The following SV2B variants were observed in gnomAD, a reference collection of about 807,000 sequenced individuals.
The protein encoded by SV2B is synaptic vesicle glycoprotein 2B.
A neutral mutation model predicts 73.9 loss-of-function variants in SV2B; 41 were observed. That is an observed-to-expected ratio of 0.56 (90% CI 0.43 to 0.72). SV2B has a LOEUF of 0.72. SV2B is among the 30% of genes least tolerant of loss of function. SV2B has a pLI of 0.00. For synonymous variants in SV2B, 314 were observed against 314.2 expected, an observed-to-expected ratio of 1.00 and a Z score of 0.01; for missense variants, 764 against 857.8, an observed-to-expected ratio of 0.89 and a Z score of 1.37.
chr15:91,163,344 T>C (rs906105252), intron 1 of SV2B, among the ~76,000 whole-genome samples: 35 of 152,208 alleles, frequency 2.3e-4, no homozygotes, highest in Non-Finnish European at 4.4e-4. Flanking sequence ...GCCACACTGA[T>C]TTCCACAATG....
intron 1 of SV2B, among the ~76,000 whole-genome samples, chr15:91,135,059 C>T (rs2042778602): frequency 6.7e-6 from 1 of 149,734 alleles, no homozygotes; most frequent in Non-Finnish European, 1.5e-5. Flanking sequence ...GAGCACAGTA[C>T]TGTGATCATT....
In SV2B at chr15:91,218,255, G is replaced by T. The variant is rs2046100943; in HGVS notation, c.-391-7618G>T. Among the ~76,000 whole-genome samples the T allele has an allele frequency of 2.0e-5, 3 of 152,292 alleles. No individual in the cohort carries two copies. The South Asian group carries it at 6.2e-4, about 32-fold the overall frequency. On this transcript the variant is annotated intron_variant, in intron 1 of 12. Transcript: ENST00000394232. ...GAATGAGCTGGGGGAATTTACCAAG[G>T]CCTGTCTGCTCAGTTTCATCTCTGT...
chr15:91,166,588 A>C (rs897595753), intron 1 of SV2B, among the ~76,000 whole-genome samples: 76 of 152,040 alleles, frequency 5.0e-4, no homozygotes, highest in African/African-American at 1.8e-3. Context: ...GATAGCATGA[A>C]TTTTAGAACT....
At chr15:91,171,345 A>C (rs1567311616) in intron 1 of SV2B, among the ~76,000 whole-genome samples, 1 of 152,246 alleles carries the variant, frequency 6.6e-6, no homozygotes, top group African/African-American at 2.4e-5. Flanking sequence ...TAAAATGTAC[A>C]GTAAGTACTT....
At position 91,284,338 on chromosome 15, in the gene SV2B, A is replaced by G; in HGVS notation, c.1708+117A>G. 8.7e-7 allele frequency: 1 copy of G among 1,151,010 alleles called. No homozygotes were observed. The highest frequency in any genetic ancestry group is 1.2e-6 in the Non-Finnish European group (1 of 814,280). The allele number at this position is 1,151,010 out of a possible 1,614,324, so 71.3% of individuals were successfully genotyped here. On this transcript the variant is annotated intron_variant, in intron 11 of 12. Transcript: ENST00000394232. The surrounding 1 kb of genome is among the most constrained non-coding windows in gnomAD (Gnocchi z 4.5). ...ATAATTCTTGCACAACAAACCCAAC[A>G]AGTAAGATTGCACCCAGGGCTATAG... is the stretch of plus-strand genomic sequence containing the variant.
Position 91,157,820 on chromosome 15 carries a change from C to A in SV2B, c.-392+57457C>A, listed in dbSNP as rs1194429341. Among the ~76,000 whole-genome samples the A allele has an allele frequency of 2.0e-5, 3 of 152,300 alleles. 1 individual carries two copies. The South Asian group carries it at 6.2e-4, about 32-fold the overall frequency. ...GTATTAGTCTGGCATTCAGTGTCTTCCACCACCTGAGCCCTGTCTACTTTG... is the reference window on the plus strand; with the variant it reads ...GTATTAGTCTGGCATTCAGTGTCTTACACCACCTGAGCCCTGTCTACTTTG... On this transcript the variant is annotated intron_variant, in intron 1 of 12. Transcript: ENST00000394232.
rs184509656 is a variant in SV2B, at chr15:91,108,133, G to A, written c.-392+7770G>A. The stretch of plus-strand genomic sequence containing the variant: ...TAAAGGATTACCATACCAGCTGAAG[G>A]ACTTAAAGATTTTATGTGAAGGGAG... On this transcript the variant is annotated intron_variant, in intron 1 of 12. Coordinates refer to ENST00000394232, the MANE Select transcript of SV2B (RefSeq NM_001323032.3). Among the ~76,000 whole-genome samples the A allele has an allele frequency of 1.6e-3, 249 of 152,258 alleles. 1 individual carries two copies. The highest frequency in any genetic ancestry group is 2.4e-3 in the Non-Finnish European group (161 of 68,026).
rs1014354461 is a variant in SV2B at position 91,236,989 on chromosome 15, A to G, written c.451+10275A>G. On this transcript the variant is annotated intron_variant, in intron 2 of 12. Coordinates refer to ENST00000394232, the MANE Select transcript of SV2B (RefSeq NM_001323032.3). The surrounding 1 kb of genome is among the most constrained non-coding windows in gnomAD (Gnocchi z 4.1). ...CTTGGAAAGAGATCTTGAGAGAGAAAGACAAGCAGAAGCCTTTTGTGACTT... is the reference window on the plus strand; with the variant it reads ...CTTGGAAAGAGATCTTGAGAGAGAAGGACAAGCAGAAGCCTTTTGTGACTT... Among the ~76,000 whole-genome samples the G allele has an allele frequency of 6.6e-6, 1 of 151,990 alleles. No individual in the cohort carries two copies. The highest frequency in any genetic ancestry group is 1.5e-5 in the Non-Finnish European group (1 of 68,014).
In SV2B at chr15:91,289,428, G is replaced by T; in HGVS notation, c.1709-93G>T. On this transcript the variant is annotated intron_variant, in intron 11 of 12. Coordinates refer to ENST00000394232, the MANE Select transcript of SV2B (RefSeq NM_001323032.3). This position sits in a 1 kb window ranked among gnomAD's most constrained non-coding sequence, Gnocchi z 4.9. Reference sequence around the variant, plus strand: ...GGCAGCCTTGGCTTCAGGTGTACCAGTGAGGGTGGGAGATGGGGCAAGAAC... The same window carrying T: ...GGCAGCCTTGGCTTCAGGTGTACCATTGAGGGTGGGAGATGGGGCAAGAAC... 6.6e-7 allele frequency: 1 copy of T among 1,524,444 alleles called. No homozygotes were observed. Among genetic ancestry groups the T allele is most frequent in the Non-Finnish European group, 9.1e-7 (1 of 1,101,734 alleles). 94.4% of individuals were successfully genotyped at this position (1,524,444 alleles called of 1,614,324 possible). A position where few individuals can be genotyped will look rare whatever the true frequency, so the allele number is the denominator to read the frequency against.
Position 91,161,857 on chromosome 15 carries a change from C to G in SV2B, c.-392+61494C>G, listed in dbSNP as rs150341916. 6.9e-3 allele frequency among the ~76,000 whole-genome samples: 1,051 copies of G among 152,310 alleles called. 4 individuals carry two copies. Among genetic ancestry groups the G allele is most frequent in the Non-Finnish European group, 0.011 (766 of 68,028 alleles). On this transcript the variant is annotated intron_variant, in intron 1 of 12. Coordinates refer to ENST00000394232, the MANE Select transcript of SV2B (RefSeq NM_001323032.3). ...TCCCCTGTGTATACTTCAAAGTACT[C>G]TGTGTGTCTCTCACAAAAGTATTTG...
chr15:91,158,717 T>TTCCCTTC (rs1567300777), intron 1 of SV2B, among the ~76,000 whole-genome samples: 1 of 85,484 alleles, frequency 1.2e-5, no homozygotes, highest in Admixed American at 1.2e-4. Flanking sequence ...TCCTCTCCTC[T>TTCCCTTC]CCTCTCCTCT....
rs2141766648 is a variant in SV2B, at chr15:91,283,109, G to C, written c.1508-912G>C. On this transcript the variant is annotated intron_variant, in intron 10 of 12. Transcript: ENST00000394232. This position sits in a 1 kb window ranked among gnomAD's most constrained non-coding sequence, Gnocchi z 4.3. ...TAGGTAGAGCCTCAGGGAGGTTAAA[G>C]AGGGTCAGCAGCAGGGCCAGCTCCC... Among the ~76,000 whole-genome samples, 1 of 152,340 alleles carries C rather than the reference G, an allele frequency of 6.6e-6. No homozygotes were observed. The highest frequency in any genetic ancestry group is 1.9e-4 in the East Asian group (1 of 5,188).
chr15:91,256,081 T>A (rs2047677873), intron 4 of SV2B, among the ~76,000 whole-genome samples: 3 of 152,120 alleles, frequency 2.0e-5, no homozygotes. Flanking sequence ...TCCTGTGAAC[T>A]CACGGGTAAA....
chr15:91,194,378 G>C (rs1309050334), intron 1 of SV2B, among the ~76,000 whole-genome samples: 1 of 152,116 alleles, frequency 6.6e-6, no homozygotes, highest in Non-Finnish European at 1.5e-5. Flanking sequence ...TTATGCCTTT[G>C]GGCATAATTG....
At chr15:91,101,166 G>C (rs1248800764) in intron 1 of SV2B, among the ~76,000 whole-genome samples, 1 of 152,158 alleles carries the variant, frequency 6.6e-6, no homozygotes, top group Admixed American at 6.5e-5. Flanking sequence ...GGACGCTGGG[G>C]GAATGCTTGC....
rs2042322622 is a variant in SV2B at position 91,121,119 on chromosome 15, G to C, written c.-392+20756G>C. On this transcript the variant is annotated intron_variant, in intron 1 of 12. Transcript: ENST00000394232. The surrounding 1 kb of genome is among the most constrained non-coding windows in gnomAD (Gnocchi z 4.4). ...CACGCTAATTTTTGGTCTTATGTTA[G>C]TAACTCGTTTCATTTTTTTTTCTCT... 7.1e-6 allele frequency among the ~76,000 whole-genome samples: 1 copy of C among 141,316 alleles called. No individual in the cohort carries two copies. The highest frequency in any genetic ancestry group is 1.6e-5 in the Non-Finnish European group (1 of 64,144). 92.7% of individuals were successfully genotyped at this position (141,316 alleles called of 152,430 possible).
At chr15:91,264,630 C>G (rs1380864896) in intron 6 of SV2B, among the ~76,000 whole-genome samples, 1 of 152,128 alleles carries the variant, frequency 6.6e-6, no homozygotes, top group Non-Finnish European at 1.5e-5. Flanking sequence ...GAGCCACCTC[C>G]GTTGAGTGGC....
chr15:91,150,413 A>G (rs190019434), intron 1 of SV2B, among the ~76,000 whole-genome samples: 183 of 152,316 alleles, frequency 1.2e-3, no homozygotes, highest in African/African-American at 4.1e-3. Flanking sequence ...GCTGAACCAT[A>G]TTCTTGAGGT....
chr15:91,175,215 C>G (rs2044259902), intron 1 of SV2B, among the ~76,000 whole-genome samples: 1 of 151,744 alleles, frequency 6.6e-6, no homozygotes. Context: ...ACAAGCTGAT[C>G]TATTGGGTGT....
Sources: allele counts gnomAD v4.1 joint callset (sites outside exome capture counted in the v4.1 genomes callset), GRCh38; gene constraint gnomAD v4.1.1; non-coding constraint Gnocchi (gnomAD v3.1); transcripts MANE v1.5; gene names NCBI Gene and HGNC (gene_info 2026-07-23, HGNC 2026-07-21).